ZC3H12B: variants seen among roughly 807,000 people sequenced by gnomAD.
ZC3H12B encodes the protein probable ribonuclease ZC3H12B.
A neutral mutation model predicts 43.9 loss-of-function variants in ZC3H12B; 7 were observed. The ratio of observed to expected loss-of-function variants is 0.16; its 90% CI spans 0.09 to 0.30. The LOEUF is 0.30. Among genes scored for constraint, ZC3H12B ranks in the 10% least tolerant of loss-of-function variants. The pLI is 1.00. For missense variants in ZC3H12B, 475 were observed against 670.2 expected (o/e 0.71, Z 3.22); for synonymous variants, 222 against 241.7 (o/e 0.92, Z 0.76).
At chrX:65,211,673 A>G in the ZC3H12B span, among the ~76,000 whole-genome samples, 1 of 89,804 alleles carries the variant, frequency 1.1e-5, no homozygotes, top group African/African-American at 4.1e-5. Context: ...AATATATATT[A>G]TATAATTATA....
chrX:65,295,470 A>C, the ZC3H12B span, among the ~76,000 whole-genome samples: 2 of 111,669 alleles, frequency 1.8e-5, no homozygotes, highest in African/African-American at 6.5e-5. Flanking sequence ...GAACACAAAT[A>C]GACAAAGTAA....
At chrX:65,049,314 T>C in the ZC3H12B span, among the ~76,000 whole-genome samples, 1 of 111,612 alleles carries the variant, frequency 9.0e-6, no homozygotes, top group Non-Finnish European at 1.9e-5. Flanking sequence ...GTATTACAGT[T>C]AAGTCTTTAA....
At chrX:65,181,852 C>T in the ZC3H12B span, among the ~76,000 whole-genome samples, 3 of 111,869 alleles carry the variant, frequency 2.7e-5, no homozygotes, top group East Asian at 8.4e-4. Flanking sequence ...GGCGATTCCT[C>T]AAGGATCTAG....
the ZC3H12B span, among the ~76,000 whole-genome samples, chrX:65,078,376 C>T: frequency 3.6e-5 from 4 of 112,010 alleles, no homozygotes; most frequent in Non-Finnish European, 7.5e-5. Context: ...AGCTCTGGCA[C>T]ATTCCAACGT....
chrX:65,212,441 T>A, the ZC3H12B span, among the ~76,000 whole-genome samples: 1 of 59,993 alleles, frequency 1.7e-5, no homozygotes. Context: ...TTATATATTA[T>A]ATTATATATT....
At chrX:65,382,132 G>A (rs749980185) in intron 2 of ZC3H12B, among the ~76,000 whole-genome samples, 4 of 111,087 alleles carry the variant, frequency 3.6e-5, no homozygotes, top group Admixed American at 9.6e-5. Flanking sequence ...TACCAAAGCC[G>A]GGCAGAGACA....
At chrX:65,471,259 A>G (rs5964440) in intron 3 of ZC3H12B, among the ~76,000 whole-genome samples, 26,217 of 109,683 alleles carry the variant, frequency 0.24, 7,700 homozygotes, top group African/African-American at 0.83. Flanking sequence ...ATTATATAAT[A>G]ACCTTCTTTG....
chrX:65,049,416 G>A, the ZC3H12B span, among the ~76,000 whole-genome samples: 21 of 111,162 alleles, frequency 1.9e-4, no homozygotes, highest in Admixed American at 2.0e-3. Flanking sequence ...GGCACCATCT[G>A]TTAAAGAGAT....
exon 5 of ZC3H12B, chrX:65,502,840 C>T (rs750374120): frequency 4.1e-6 from 5 of 1,208,893 alleles, no homozygotes; most frequent in Middle Eastern, 2.3e-4. Context: ...AGAGCAACCC[C>T]GTGAGGCAAA....
the ZC3H12B span, among the ~76,000 whole-genome samples, chrX:65,249,175 G>T: frequency 9.0e-6 from 1 of 111,348 alleles, no homozygotes; most frequent in Non-Finnish European, 1.9e-5. Context: ...TCTAGAAGGG[G>T]TTTTTCAATG....
At chrX:65,111,532 TTTTTA>T in the ZC3H12B span, among the ~76,000 whole-genome samples, 2 of 96,722 alleles carry the variant, frequency 2.1e-5, no homozygotes, top group East Asian at 5.7e-4. Context: ...AGTATTGCAA[TTTTTA>T]TTTTTTTATT....
At chrX:65,053,526 G>C in the ZC3H12B span, among the ~76,000 whole-genome samples, 1 of 111,607 alleles carries the variant, frequency 9.0e-6, no homozygotes, top group African/African-American at 3.3e-5. Flanking sequence ...ATTTGGGTTA[G>C]TTCCAAGTCT....
chrX:65,207,528 T>G, the ZC3H12B span, among the ~76,000 whole-genome samples: 1 of 110,328 alleles, frequency 9.1e-6, no homozygotes, highest in Non-Finnish European at 1.9e-5. Context: ...ATACATTGGG[T>G]ACAGTGTACA....
chrX:65,153,145 G>A, the ZC3H12B span, among the ~76,000 whole-genome samples: 4 of 111,933 alleles, frequency 3.6e-5, no homozygotes, highest in African/African-American at 1.3e-4. Context: ...AGAAAACTTA[G>A]GCATTACCAT....
intron 3 of ZC3H12B, among the ~76,000 whole-genome samples, chrX:65,407,680 C>T (rs1368393074): frequency 5.3e-5 from 6 of 113,666 alleles, no homozygotes; most frequent in Admixed American, 3.7e-4. Flanking sequence ...TTTGTTTGCC[C>T]AGGACTGGCG....
At chrX:65,202,369 C>T in the ZC3H12B span, among the ~76,000 whole-genome samples, 7 of 106,914 alleles carry the variant, frequency 6.5e-5, no homozygotes, top group African/African-American at 2.4e-4. Flanking sequence ...TGTACCTGTC[C>T]TTCTTGGGAA....
At chrX:65,153,134 A>T in the ZC3H12B span, among the ~76,000 whole-genome samples, 3 of 112,356 alleles carry the variant, frequency 2.7e-5, no homozygotes, top group African/African-American at 9.7e-5. Flanking sequence ...AAAACCCTAG[A>T]AGAAAACTTA....
the ZC3H12B span, among the ~76,000 whole-genome samples, chrX:65,350,740 T>C: frequency 9.0e-6 from 1 of 111,269 alleles, no homozygotes; most frequent in Admixed American, 9.6e-5. Context: ...GAATATAAAA[T>C]ACATAGGAAT....
chrX:65,226,228 C>T, the ZC3H12B span, among the ~76,000 whole-genome samples: 3 of 111,477 alleles, frequency 2.7e-5, no homozygotes, highest in African/African-American at 9.8e-5. Flanking sequence ...ATTCAACATT[C>T]TTAAAAGAAT....
Sources: allele counts gnomAD v4.1 joint callset (sites outside exome capture counted in the v4.1 genomes callset), GRCh38; gene constraint gnomAD v4.1.1; transcripts MANE v1.5; gene names NCBI Gene and HGNC (gene_info 2026-07-23, HGNC 2026-07-21).